The following GRXCR2 variants were observed in gnomAD, a reference collection of about 807,000 sequenced individuals.
GRXCR2 encodes glutaredoxin and cysteine rich domain containing 2, also known as glutaredoxin domain-containing cysteine-rich protein 2.
GRXCR2 carries 23 observed loss-of-function variants against 24.8 expected under a neutral mutation model. The ratio of observed to expected loss-of-function variants is 0.93; its 90% CI spans 0.67 to 1.32. The LOEUF is 1.32. Ranked by LOEUF, GRXCR2 falls within the 40% of genes most tolerant of loss-of-function variation. The probability of loss-of-function intolerance (pLI) is 0.00; values close to 1 mark genes in which losing one functional copy is unlikely to be tolerated. For missense variants in GRXCR2, 315 were observed against 303.4 expected, an observed-to-expected ratio of 1.04 and a Z score of -0.28; for synonymous variants, 130 against 116.1, an observed-to-expected ratio of 1.12 and a Z score of -0.77.
intron 2 of GRXCR2, among the ~76,000 whole-genome samples, chr5:145,890,274 G>A (rs1442653649): frequency 6.6e-6 from 1 of 152,122 alleles, no homozygotes; most frequent in Non-Finnish European, 1.5e-5. Context: ...ATTTTTAGTA[G>A]AGAAGGAGTT....
At chr5:145,866,201 G>T (rs1163914101) in intron 2 of GRXCR2, among the ~76,000 whole-genome samples, 3 of 149,256 alleles carry the variant, frequency 2.0e-5, no homozygotes, top group Admixed American at 1.3e-4. Flanking sequence ...TCCACCTCTA[G>T]AACCAGCTGT....
chr5:145,894,594 A>G (rs1756920703), intron 2 of GRXCR2, among the ~76,000 whole-genome samples: 1 of 152,208 alleles, frequency 6.6e-6, no homozygotes, highest in African/African-American at 2.4e-5. Context: ...AAGAAGTTCA[A>G]TCTCTGAATA....
At chr5:145,914,501 C>T (rs1182012468) in intron 2 of GRXCR2, among the ~76,000 whole-genome samples, 1 of 151,784 alleles carries the variant, frequency 6.6e-6, no homozygotes, top group East Asian at 1.9e-4. Context: ...CATGGTGAAA[C>T]TCTGGCTCTA....
intron 2 of GRXCR2, among the ~76,000 whole-genome samples, chr5:145,910,083 C>G (rs1261759543): frequency 2.0e-5 from 3 of 152,196 alleles, no homozygotes; most frequent in Non-Finnish European, 4.4e-5. Context: ...CATCGAAGTT[C>G]ATTTTGTTCC....
At chr5:145,904,616 A>G (rs1447648115) in intron 2 of GRXCR2, among the ~76,000 whole-genome samples, 4 of 152,204 alleles carry the variant, frequency 2.6e-5, no homozygotes, top group Non-Finnish European at 5.9e-5. Context: ...GGCAGGAGCC[A>G]GAAGACCCCA....
At chr5:145,886,171 T>A (rs1280678945) in intron 2 of GRXCR2, among the ~76,000 whole-genome samples, 1 of 152,266 alleles carries the variant, frequency 6.6e-6, no homozygotes, top group African/African-American at 2.4e-5. Context: ...TCTTGGTGGC[T>A]GGGTGTCACT....
At position 145,872,627 on chromosome 5, in the gene GRXCR2, AC is replaced by A; in HGVS notation, c.336+5del. Reference sequence around the variant, plus strand: ...TTAAAGCCTATATGCCATGCACAATACCAACCTTATGGTCATTCGCCTTGTA... The same window carrying A: ...TTAAAGCCTATATGCCATGCACAATACAACCTTATGGTCATTCGCCTTGTA... On this transcript the variant is annotated splice_donor_5th_base_variant and intron_variant, in intron 1 of 2. Transcript: ENST00000377976. The A allele has an allele frequency of 6.3e-7, 1 of 1,586,738 alleles. No individual in the cohort carries two copies. The highest frequency in any genetic ancestry group is 8.6e-7 in the Non-Finnish European group (1 of 1,164,574).
At chr5:145,895,662 C>T (rs1355473694) in intron 2 of GRXCR2, among the ~76,000 whole-genome samples, 3 of 152,186 alleles carry the variant, frequency 2.0e-5, no homozygotes, top group Non-Finnish European at 2.9e-5. Context: ...ACATTCCCTG[C>T]TCATGGGTAG....
intron 2 of GRXCR2, among the ~76,000 whole-genome samples, chr5:145,880,352 G>A (rs1756681307): frequency 6.6e-6 from 1 of 152,144 alleles, no homozygotes; most frequent in Non-Finnish European, 1.5e-5. Flanking sequence ...AATAAAAAAT[G>A]ATAAAAGGGA....
chr5:145,906,811 G>A (rs1189942447), intron 2 of GRXCR2, among the ~76,000 whole-genome samples: 2 of 152,182 alleles, frequency 1.3e-5, no homozygotes, highest in Non-Finnish European at 1.5e-5. Flanking sequence ...TTGAAGTTGT[G>A]GGGGACAGAC....
intron 2 of GRXCR2, among the ~76,000 whole-genome samples, chr5:145,909,944 T>C (rs1757142347): frequency 6.6e-6 from 1 of 152,142 alleles, no homozygotes; most frequent in Non-Finnish European, 1.5e-5. Flanking sequence ...AACAGGACAG[T>C]ACGATCAGAC....
intron 2 of GRXCR2, among the ~76,000 whole-genome samples, chr5:145,928,640 A>G (rs557737852): frequency 6.6e-6 from 1 of 151,822 alleles, no homozygotes; most frequent in Non-Finnish European, 1.5e-5. Context: ...TTCTTAGCAA[A>G]CTATCGCAAG....
intron 1 of GRXCR2, among the ~76,000 whole-genome samples, chr5:145,867,191 A>T (rs2149910142): frequency 6.6e-6 from 1 of 152,286 alleles, no homozygotes; most frequent in Non-Finnish European, 1.5e-5. Context: ...CATTTTACCA[A>T]CATTGCCTCA....
intron 2 of GRXCR2, among the ~76,000 whole-genome samples, chr5:145,902,814 A>T (rs1757042022): frequency 6.6e-6 from 1 of 152,210 alleles, no homozygotes; most frequent in South Asian, 2.1e-4. Context: ...TTTTACCCTC[A>T]TGACCACACT....
intron 2 of GRXCR2, among the ~76,000 whole-genome samples, chr5:145,906,737 G>A (rs796701234): frequency 4.6e-5 from 7 of 152,194 alleles, no homozygotes; most frequent in Admixed American, 2.0e-4. Flanking sequence ...CTACTCTTCC[G>A]GGCACTGGAA....
chr5:145,900,185 T>A (rs1203655267), intron 2 of GRXCR2, among the ~76,000 whole-genome samples: 1 of 152,072 alleles, frequency 6.6e-6, no homozygotes, highest in Non-Finnish European at 1.5e-5. Flanking sequence ...TGGGAGGTGA[T>A]TGGATCATGG....
At chr5:145,874,020 G>A (rs532612902), upstream of GRXCR2, among the ~76,000 whole-genome samples, 70 of 152,212 alleles carry the variant, frequency 4.6e-4, no homozygotes, top group Middle Eastern at 0.01. Context: ...GATGGAAGAA[G>A]GTTTGTAAAG....
chr5:145,886,344 T>C (rs1175190328), intron 2 of GRXCR2, among the ~76,000 whole-genome samples: 5 of 152,208 alleles, frequency 3.3e-5, no homozygotes, highest in African/African-American at 1.2e-4. Context: ...TGAGCAGAGC[T>C]GGCAGGGGTC....
In GRXCR2 at chr5:145,866,722, G is replaced by A. The variant is rs570479885; in HGVS notation, c.343C>T (p.Pro115Ser). Residue 115 changes from proline to serine, a missense_variant, in exon 2 of 3, where the codon CCT becomes TCT. Transcript: ENST00000377976. ...DYKANDHKPL[P>S]IIDFGKIIIY... is the part of the protein sequence containing the mutation. ...ATTATCTTTCCAAAATCTATAATAGGTAGGGGCTAGAGAAATGGAGAATGA... is the reference window on the plus strand; with the variant it reads ...ATTATCTTTCCAAAATCTATAATAGATAGGGGCTAGAGAAATGGAGAATGA... 9 of 1,596,002 alleles carry A rather than the reference G, an allele frequency of 5.6e-6. No individual in the cohort carries two copies. In the East Asian group the frequency reaches 8.9e-5, roughly 16 times the overall value.
Sources: allele counts gnomAD v4.1 joint callset (sites outside exome capture counted in the v4.1 genomes callset), GRCh38; gene constraint gnomAD v4.1.1; transcripts MANE v1.5; gene names NCBI Gene and HGNC (gene_info 2026-07-23, HGNC 2026-07-21).